ZNF438: variants seen among roughly 807,000 people sequenced by gnomAD.
ZNF438 encodes zinc finger protein 438.
In ZNF438, 25 loss-of-function variants were observed where a neutral mutation model predicts 38.0. The ratio of observed to expected loss-of-function variants is 0.66; its 90% confidence interval spans 0.48 to 0.92. The LOEUF is 0.92. Ranked by LOEUF, ZNF438 falls within the 40% of genes least tolerant of loss-of-function variation. ZNF438 has a pLI of 0.00. For synonymous variants in ZNF438, 372 were observed against 364.1 expected (o/e 1.02, Z -0.25); for missense variants, 1,007 against 999.6 (o/e 1.01, Z -0.10).
chr10:30,937,656 T>A (rs192275318), intron 2 of ZNF438, among the ~76,000 whole-genome samples: 1 of 152,314 alleles, frequency 6.6e-6, no homozygotes, highest in Admixed American at 6.5e-5. Flanking sequence ...TGAAACTGTA[T>A]AATCAGTTTA....
At chr10:30,942,821 T>C (rs1248938021) in intron 1 of ZNF438, among the ~76,000 whole-genome samples, 3 of 152,258 alleles carry the variant, frequency 2.0e-5, no homozygotes, top group Non-Finnish European at 4.4e-5. Flanking sequence ...TAGAACAGTT[T>C]GCACATCTCC....
chr10:30,889,140 A>G (rs2040358484), intron 3 of ZNF438, among the ~76,000 whole-genome samples: 1 of 152,196 alleles, frequency 6.6e-6, no homozygotes, highest in Non-Finnish European at 1.5e-5. Flanking sequence ...TAATAACAGT[A>G]TTCTTCATTG....
At chr10:30,963,796 C>T (rs530440285) in intron 1 of ZNF438, among the ~76,000 whole-genome samples, 1 of 152,048 alleles carries the variant, frequency 6.6e-6, no homozygotes, top group South Asian at 2.1e-4. Flanking sequence ...CAGAAGAATC[C>T]CTTGAATCTG....
At chr10:30,851,915 T>C (rs2132828389) in intron 4 of ZNF438, among the ~76,000 whole-genome samples, 1 of 152,032 alleles carries the variant, frequency 6.6e-6, no homozygotes, top group East Asian at 2.0e-4. Flanking sequence ...TCCTAGCACT[T>C]TGGGAGGCTG....
chr10:30,860,904 T>TGATGGGG lies in ZNF438; in HGVS notation c.38-10544_38-10538dup, dbSNP rs143084240. On this transcript the variant is annotated intron_variant, in intron 4 of 5. Coordinates refer to ENST00000413025, the Ensembl canonical transcript of ZNF438. ...GTAAGTACAGATCTCAGTGGCCCTGTGATGGGGGATGGGGCCCAGAGTGGG... is the reference window on the plus strand; with the variant it reads ...GTAAGTACAGATCTCAGTGGCCCTGTGATGGGGGATGGGGGATGGGGCCCAGAGTGGG... Among the ~76,000 whole-genome samples, 584 of 152,206 alleles carry TGATGGGG rather than the reference T, an allele frequency of 3.8e-3. 3 individuals are homozygous for TGATGGGG. The highest frequency in any genetic ancestry group is 0.014 in the African/African-American group (567 of 41,516).
At chr10:31,000,350 C>CT (rs1487813169) in intron 1 of ZNF438, among the ~76,000 whole-genome samples, 1 of 152,218 alleles carries the variant, frequency 6.6e-6, no homozygotes, top group Admixed American at 6.5e-5. Flanking sequence ...GGAGCAGAAT[C>CT]TGAGGCCCCA....
At chr10:30,966,982 G>A (rs1324983903) in intron 1 of ZNF438, among the ~76,000 whole-genome samples, 1 of 152,068 alleles carries the variant, frequency 6.6e-6, no homozygotes, top group Admixed American at 6.5e-5. Context: ...CAGTCCCCAA[G>A]TCCCTAGGTT....
At chr10:30,903,886 C>T (rs188441039) in intron 3 of ZNF438, among the ~76,000 whole-genome samples, 10 of 152,004 alleles carry the variant, frequency 6.6e-5, no homozygotes, top group African/African-American at 2.4e-4. Flanking sequence ...CTGTTCTAGC[C>T]CCCAAAGAGT....
At chr10:31,017,543 G>T (rs144350019) in intron 1 of ZNF438, among the ~76,000 whole-genome samples, 2 of 152,336 alleles carry the variant, frequency 1.3e-5, no homozygotes, top group African/African-American at 4.8e-5. Flanking sequence ...AGTTCCACAA[G>T]AAAGTAGTAA....
intron 1 of ZNF438, among the ~76,000 whole-genome samples, chr10:31,026,706 A>G (rs989032397): frequency 2.0e-5 from 3 of 152,136 alleles, no homozygotes; most frequent in Admixed American, 2.0e-4. Context: ...ATCTAGAACT[A>G]GAAATACCAT....
intron 2 of ZNF438, among the ~76,000 whole-genome samples, chr10:30,910,119 A>G (rs2042934055): frequency 6.6e-6 from 1 of 152,150 alleles, no homozygotes; most frequent in South Asian, 2.1e-4. Flanking sequence ...GGCTGGCTGC[A>G]CAAAGACTTC....
chr10:30,870,724 C>A (rs1414716222), intron 4 of ZNF438, among the ~76,000 whole-genome samples: 1 of 152,190 alleles, frequency 6.6e-6, no homozygotes. Context: ...ACTAGAGGCT[C>A]ACAAGAACCT....
chr10:30,949,886 A>C (rs1327717201), intron 1 of ZNF438, among the ~76,000 whole-genome samples: 2 of 152,188 alleles, frequency 1.3e-5, no homozygotes, highest in Non-Finnish European at 2.9e-5. Flanking sequence ...TCAGCTCTGC[A>C]CCAAGCGGAC....
intron 1 of ZNF438, among the ~76,000 whole-genome samples, chr10:30,989,220 T>A (rs1045196310): frequency 6.6e-6 from 1 of 152,184 alleles, no homozygotes; most frequent in South Asian, 2.1e-4. Flanking sequence ...TAAAATAAAC[T>A]CTATATCTTT....
At chr10:30,883,715 A>G (rs1215627601) in intron 3 of ZNF438, among the ~76,000 whole-genome samples, 1 of 152,086 alleles carries the variant, frequency 6.6e-6, no homozygotes, top group African/African-American at 2.4e-5. Context: ...CAAAAAATAC[A>G]AAAAACCCAT....
At chr10:31,021,117 C>A (rs894237710) in intron 1 of ZNF438, among the ~76,000 whole-genome samples, 1 of 148,366 alleles carries the variant, frequency 6.7e-6, no homozygotes, top group Admixed American at 6.8e-5. Flanking sequence ...AGTGCAGTGG[C>A]GCAATCTCAG....
At chr10:30,902,962 C>G (rs2042193634) in intron 3 of ZNF438, among the ~76,000 whole-genome samples, 1 of 149,332 alleles carries the variant, frequency 6.7e-6, no homozygotes, top group African/African-American at 2.5e-5. Context: ...GGGGAGGCAG[C>G]TAAGGACCGG....
rs561333554 is a variant in ZNF438 at position 30,923,725 on chromosome 10, T to C, written c.-114-14710A>G. On this transcript the variant is annotated intron_variant, in intron 2 of 5. Coordinates refer to ENST00000413025, the Ensembl canonical transcript of ZNF438. ...TGGCTTAACTACTATGGTTTTATAT[T>C]GTCATTATATAAAGGCAGCAAAAGC... Among the ~76,000 whole-genome samples, 12 of 152,326 alleles carry C rather than the reference T, an allele frequency of 7.9e-5. No homozygotes were observed. In the South Asian group the frequency reaches 2.5e-3, roughly 32 times the overall value.
At chr10:30,977,273 T>C (rs1204233453) in intron 1 of ZNF438, among the ~76,000 whole-genome samples, 1 of 152,228 alleles carries the variant, frequency 6.6e-6, no homozygotes, top group Non-Finnish European at 1.5e-5. Flanking sequence ...AACTCTGAAA[T>C]GCTTTCCATT....
Sources: allele counts gnomAD v4.1 joint callset (sites outside exome capture counted in the v4.1 genomes callset), GRCh38; gene constraint gnomAD v4.1.1; transcripts MANE v1.5; gene names NCBI Gene and HGNC (gene_info 2026-07-23, HGNC 2026-07-21).